Variants in ZDHHC14 observed in about 807,000 individuals in gnomAD.
ZDHHC14 encodes palmitoyltransferase ZDHHC14.
Under a neutral mutation model 47.7 loss-of-function variants are expected in ZDHHC14, and 16 were observed. That is an observed-to-expected ratio of 0.34 (90% CI 0.23 to 0.51). The LOEUF (loss-of-function observed/expected upper bound fraction) is 0.51, where lower values mean the gene tolerates loss of function less well. ZDHHC14 is among the 20% of genes least tolerant of loss of function. The probability of loss-of-function intolerance (pLI) is 0.97; values close to 1 mark genes in which losing one functional copy is unlikely to be tolerated. For synonymous variants in ZDHHC14, 293 were observed against 278.9 expected (o/e 1.05, Z -0.50); for missense variants, 515 against 662.5 (o/e 0.78, Z 2.44).
chr6:157,518,256 C>T (rs1344035131), intron 1 of ZDHHC14, among the ~76,000 whole-genome samples: 2 of 152,062 alleles, frequency 1.3e-5, no homozygotes, highest in African/African-American at 4.8e-5. Context: ...CCTCAAGCCA[C>T]ACTGATGGAC....
rs1049886280 is a variant in ZDHHC14 at position 157,609,262 on chromosome 6, G to A, written c.565+16116G>A. ...CTGAGCACTGCCTGTGTCAAAAGGT[G>A]CGCACCTGGAGGGAAAGCGAGAGGT... On this transcript the variant is annotated intron_variant, in intron 3 of 8. Coordinates refer to ENST00000359775, the MANE Select transcript of ZDHHC14 (RefSeq NM_024630.3). Among the ~76,000 whole-genome samples, 10 of 152,302 alleles carry A rather than the reference G, an allele frequency of 6.6e-5. No homozygotes were observed. The South Asian group carries it at 8.3e-4, about 13-fold the overall frequency.
In ZDHHC14 at chr6:157,607,344, A is replaced by G. The variant is rs1329641534; in HGVS notation, c.565+14198A>G. Among the ~76,000 whole-genome samples the G allele has an allele frequency of 3.3e-5, 5 of 151,626 alleles. No individual in the cohort carries two copies. The South Asian group carries it at 8.4e-4, about 25-fold the overall frequency. On this transcript the variant is annotated intron_variant, in intron 3 of 8. Coordinates refer to ENST00000359775, the MANE Select transcript of ZDHHC14 (RefSeq NM_024630.3). The stretch of plus-strand genomic sequence containing the variant: ...TTTGTGTAGATTTTTTTCAAATAGT[A>G]TACAAAACCATTTCTTTCAAGAATG...
intron 1 of ZDHHC14, among the ~76,000 whole-genome samples, chr6:157,411,846 G>T (rs1331201751): frequency 1.3e-5 from 2 of 151,786 alleles, no homozygotes; most frequent in African/African-American, 4.8e-5. Flanking sequence ...TGTGCAATTG[G>T]TGCATTAGTG....
In ZDHHC14 at chr6:157,381,937, C is replaced by A; in HGVS notation, c.-85C>A. ...CGCCGCGGCTCGGGGGGCGGCCGGGCGGCCGGCGGCGGTCGTGGCTCGGCG... is the reference window on the plus strand; with the variant it reads ...CGCCGCGGCTCGGGGGGCGGCCGGGAGGCCGGCGGCGGTCGTGGCTCGGCG... On this transcript the variant is annotated 5_prime_UTR_variant, in exon 1 of 9. Coordinates refer to ENST00000359775, the MANE Select transcript of ZDHHC14 (RefSeq NM_024630.3). 1.0e-6 allele frequency: 1 copy of A among 974,272 alleles called. No homozygotes were observed. Among genetic ancestry groups the A allele is most frequent in the Middle Eastern group, 5.3e-4 (1 of 1,904 alleles). 60.4% of individuals were successfully genotyped at this position (974,272 alleles called of 1,614,324 possible).
intron 1 of ZDHHC14, among the ~76,000 whole-genome samples, chr6:157,385,298 C>G (rs188637763): frequency 6.6e-6 from 1 of 151,000 alleles, no homozygotes; most frequent in Admixed American, 6.6e-5. Context: ...CACTATGTTG[C>G]TCACTATGAT....
intron 1 of ZDHHC14, among the ~76,000 whole-genome samples, chr6:157,399,296 C>A (rs1777583837): frequency 1.3e-5 from 2 of 152,184 alleles, no homozygotes; most frequent in African/African-American, 4.8e-5. Flanking sequence ...GATACGATAC[C>A]TGTAAGACAC....
chr6:157,614,002 T>C (rs1784854161), intron 3 of ZDHHC14, among the ~76,000 whole-genome samples: 1 of 152,240 alleles, frequency 6.6e-6, no homozygotes, highest in Non-Finnish European at 1.5e-5. Flanking sequence ...ATTATATCCT[T>C]CTTCCTTGGT....
At chr6:157,395,374 C>T (rs1253687477) in intron 1 of ZDHHC14, among the ~76,000 whole-genome samples, 2 of 150,674 alleles carry the variant, frequency 1.3e-5, no homozygotes, top group Non-Finnish European at 3.0e-5. Flanking sequence ...CTATGTTGCC[C>T]AGGCTGGTCT....
At chr6:157,609,387 G>A (rs995420345) in intron 3 of ZDHHC14, among the ~76,000 whole-genome samples, 5 of 152,218 alleles carry the variant, frequency 3.3e-5, no homozygotes, top group African/African-American at 1.2e-4. Flanking sequence ...TGGCCCTGAA[G>A]GAGAAGCTGC....
rs969024461 is a variant in ZDHHC14 at position 157,586,921 on chromosome 6, A to G, written c.407-6067A>G. Among the ~76,000 whole-genome samples, 1 of 152,200 alleles carries G rather than the reference A, an allele frequency of 6.6e-6. No homozygotes were observed. Among genetic ancestry groups the G allele is most frequent in the African/African-American group, 2.4e-5 (1 of 41,444 alleles). On this transcript the variant is annotated intron_variant, in intron 2 of 8. Coordinates refer to ENST00000359775, the MANE Select transcript of ZDHHC14 (RefSeq NM_024630.3). The surrounding 1 kb of genome is among the most constrained non-coding windows in gnomAD (Gnocchi z 4.6). ...TTCACCTCTTTGTAACAGAGGTTCA[A>G]TCTTTTAAAAAATGCACTTTGGAAC...
intron 2 of ZDHHC14, among the ~76,000 whole-genome samples, chr6:157,554,917 A>G (rs1360632575): frequency 2.0e-5 from 3 of 152,214 alleles, no homozygotes; most frequent in Non-Finnish European, 2.9e-5. Flanking sequence ...TGTGCTCTAT[A>G]TAAGTCCCCA....
At chr6:157,608,253 A>G (rs182832965) in intron 3 of ZDHHC14, among the ~76,000 whole-genome samples, 101 of 152,158 alleles carry the variant, frequency 6.6e-4, no homozygotes, top group African/African-American at 2.2e-3. Context: ...TACTTCAGAA[A>G]TATCCACTGA....
intron 1 of ZDHHC14, among the ~76,000 whole-genome samples, chr6:157,455,234 C>G (rs1439577451): frequency 6.6e-6 from 1 of 152,224 alleles, no homozygotes; most frequent in Non-Finnish European, 1.5e-5. Context: ...TGATGAGCAC[C>G]TGCTGCAGAA....
intron 1 of ZDHHC14, among the ~76,000 whole-genome samples, chr6:157,465,673 G>A (rs577946746): frequency 2.6e-5 from 4 of 152,040 alleles, no homozygotes; most frequent in Non-Finnish European, 4.4e-5. Context: ...AAAATGTCAC[G>A]TACCAGGAGA....
chr6:157,428,366 C>A (rs1390698304), intron 1 of ZDHHC14, among the ~76,000 whole-genome samples: 2 of 152,092 alleles, frequency 1.3e-5, no homozygotes, highest in African/African-American at 4.8e-5. Context: ...AACCAGTGAT[C>A]TGGGAACTGG....
At chr6:157,626,893 G>A (rs868789319) in intron 3 of ZDHHC14, among the ~76,000 whole-genome samples, 3 of 149,718 alleles carry the variant, frequency 2.0e-5, no homozygotes, top group African/African-American at 7.4e-5. Flanking sequence ...TTCCAGCTGG[G>A]GGGGGGGCGG....
chr6:157,477,429 G>A (rs191668591), intron 1 of ZDHHC14, among the ~76,000 whole-genome samples: 1 of 152,226 alleles, frequency 6.6e-6, no homozygotes, highest in Admixed American at 6.5e-5. Context: ...TGTTGTTTGT[G>A]CAGACATTAT....
At chr6:157,635,422 C>T (rs548894382) in intron 5 of ZDHHC14, among the ~76,000 whole-genome samples, 30 of 152,340 alleles carry the variant, frequency 2.0e-4, no homozygotes, top group African/African-American at 6.7e-4. Flanking sequence ...CTTTTAATAC[C>T]TGCTCCATGG....
chr6:157,533,701 A>C (rs1781445323), intron 1 of ZDHHC14, among the ~76,000 whole-genome samples: 1 of 152,152 alleles, frequency 6.6e-6, no homozygotes. Flanking sequence ...GAGCTGGTGC[A>C]TTGGGCACGG....
Sources: gnomAD v4.1 joint callset for allele counts (sites outside exome capture counted in the v4.1 genomes callset) on GRCh38, gnomAD v4.1.1 for gene constraint, Gnocchi (gnomAD v3.1) non-coding constraint, MANE v1.5 for transcripts, NCBI Gene and HGNC (gene_info 2026-07-23, HGNC 2026-07-21) for gene names.